Variants in PRKAG2 observed in about 807,000 individuals in gnomAD.
The protein encoded by PRKAG2 is 5'-AMP-activated protein kinase subunit gamma-2.
A neutral mutation model predicts 69.6 loss-of-function variants in PRKAG2; 26 were observed. The observed-to-expected ratio is 0.37, with a 90% CI of 0.27 to 0.52. The LOEUF is 0.52. PRKAG2 is among the 20% of genes least tolerant of loss of function. PRKAG2 has a pLI of 0.90. For synonymous variants in PRKAG2, 293 were observed against 285.0 expected (o/e 1.03, Z -0.28); for missense variants, 557 against 740.0 (o/e 0.75, Z 2.87).
Position 151,648,741 on chromosome 7 carries a change from C to T in PRKAG2, c.685-16603G>A, listed in dbSNP as rs376801042. 7.4e-4 allele frequency among the ~76,000 whole-genome samples: 112 copies of T among 152,188 alleles called. 1 individual carries two copies. In the Middle Eastern group the frequency reaches 0.024, roughly 32 times the overall value. ...CTTTAAAATGAAATGTAATAGAGGG[C>T]TGGGTGCAGTGGTCCATGTCTGTAG... On this transcript the variant is annotated intron_variant, in intron 4 of 15. Coordinates refer to ENST00000287878, the MANE Select transcript of PRKAG2 (RefSeq NM_016203.4).
intron 3 of PRKAG2, chr7:151,735,801 G>A: frequency 3.5e-6 from 5 of 1,435,586 alleles, no homozygotes; most frequent in South Asian, 2.5e-5. Flanking sequence ...GGAAGAGAGT[G>A]GCTGGAAACA....
intron 15 of PRKAG2, chr7:151,558,069 TAG>T (rs1804154355): frequency 1.0e-6 from 1 of 985,008 alleles, no homozygotes; most frequent in African/African-American, 1.7e-5. Flanking sequence ...GGCAATCTAT[TAG>T]AGCGTGTGGC....
intron 6 of PRKAG2, among the ~76,000 whole-genome samples, chr7:151,589,328 C>T (rs543284375): frequency 1.3e-5 from 2 of 152,294 alleles, no homozygotes; most frequent in African/African-American, 4.8e-5. Context: ...CGCCAGGACC[C>T]CCTCTCCTCC....
rs140373276 is a variant in PRKAG2 at position 151,694,456 on chromosome 7, C to G, written c.467-18819G>C. On this transcript the variant is annotated intron_variant, in intron 3 of 15. Coordinates refer to ENST00000287878, the MANE Select transcript of PRKAG2 (RefSeq NM_016203.4). ...GTCCTCATAAAAATAACTCATTTCT[C>G]CCCACCTGCAACCCCTGGCAACCAT... Among the ~76,000 whole-genome samples the G allele has an allele frequency of 9.3e-4, 142 of 152,258 alleles. 1 individual carries two copies. Among genetic ancestry groups the G allele is most frequent in the Middle Eastern group, 3.4e-3 (1 of 294 alleles).
intron 3 of PRKAG2, among the ~76,000 whole-genome samples, chr7:151,751,316 G>T (rs752535610): frequency 6.6e-6 from 1 of 151,392 alleles, no homozygotes; most frequent in Non-Finnish European, 1.5e-5. Context: ...GGGTTTCACC[G>T]TGTTAGCCAG....
intron 1 of PRKAG2, among the ~76,000 whole-genome samples, chr7:151,845,263 T>C (rs1236654960): frequency 1.3e-5 from 2 of 152,054 alleles, no homozygotes; most frequent in Admixed American, 6.5e-5. Context: ...GGTGAAGACG[T>C]TGTTAGTGGA....
chr7:151,839,379 C>A (rs536887904), intron 1 of PRKAG2, among the ~76,000 whole-genome samples: 1 of 152,314 alleles, frequency 6.6e-6, no homozygotes, highest in African/African-American at 2.4e-5. Flanking sequence ...CGGTCCGCAG[C>A]CCCTGCCGTC....
intron 3 of PRKAG2, among the ~76,000 whole-genome samples, chr7:151,766,961 G>C (rs190848781): frequency 2.6e-5 from 4 of 152,156 alleles, no homozygotes; most frequent in Admixed American, 2.0e-4. Flanking sequence ...ACCTCCAAAC[G>C]TGACCTCATG....
intron 1 of PRKAG2, among the ~76,000 whole-genome samples, chr7:151,818,841 A>G (rs1227593405): frequency 2.6e-5 from 4 of 152,188 alleles, no homozygotes; most frequent in Non-Finnish European, 5.9e-5. Flanking sequence ...TGGGATGTAG[A>G]CGGTGTGGCA....
At chr7:151,628,043 TGAG>T (rs1823438947) in intron 5 of PRKAG2, among the ~76,000 whole-genome samples, 1 of 151,752 alleles carries the variant, frequency 6.6e-6, no homozygotes, top group African/African-American at 2.4e-5. Context: ...AAGCGGCAAA[TGAG>T]GAGGAAGAGG....
At chr7:151,833,682 T>C (rs981668414) in intron 1 of PRKAG2, among the ~76,000 whole-genome samples, 2 of 152,110 alleles carry the variant, frequency 1.3e-5, no homozygotes, top group African/African-American at 2.4e-5. Context: ...GGGTGGGGGA[T>C]AGTTTGGAGA....
intron 4 of PRKAG2, among the ~76,000 whole-genome samples, chr7:151,658,771 A>T (rs1829883920): frequency 6.6e-6 from 1 of 152,196 alleles, no homozygotes; most frequent in African/African-American, 2.4e-5. Flanking sequence ...AACACATTAT[A>T]AGCGTTCTAT....
chr7:151,787,029 A>T (rs1330778716), intron 1 of PRKAG2, among the ~76,000 whole-genome samples: 1 of 152,168 alleles, frequency 6.6e-6, no homozygotes, highest in Non-Finnish European at 1.5e-5. Context: ...GCCAAAACAG[A>T]GTCTAAAATA....
intron 11 of PRKAG2, 60 bp from the exon 12 acceptor site, chr7:151,565,945 G>A: frequency 6.5e-7 from 1 of 1,543,442 alleles, no homozygotes; most frequent in Non-Finnish European, 9.0e-7. Flanking sequence ...CATGTTCAAA[G>A]GTCCAGATTT....
intron 8 of PRKAG2, among the ~76,000 whole-genome samples, 192 bp downstream of exon 8, chr7:151,574,699 A>G (rs771522625): frequency 6.6e-6 from 1 of 152,238 alleles, no homozygotes; most frequent in Non-Finnish European, 1.5e-5. Flanking sequence ...TCATACATAT[A>G]ACTTACAGTA....
chr7:151,676,027 G>A (rs577772639), intron 3 of PRKAG2, among the ~76,000 whole-genome samples: 11 of 152,096 alleles, frequency 7.2e-5, no homozygotes, highest in Non-Finnish European at 1.6e-4. Context: ...ACACGGTCCC[G>A]AGTTATCTGG....
intron 1 of PRKAG2, among the ~76,000 whole-genome samples, chr7:151,854,100 T>TGCAGTGCCAGCAG (rs1272307664): frequency 2.6e-5 from 4 of 152,220 alleles, no homozygotes; most frequent in African/African-American, 9.7e-5. Flanking sequence ...GCCCTTGCTC[T>TGCAGTGCCAGCAG]GCAGTGCCAG....
intron 7 of PRKAG2, among the ~76,000 whole-genome samples, chr7:151,575,893 C>T (rs1289181158): frequency 8.2e-6 from 1 of 121,710 alleles, no homozygotes; most frequent in Admixed American, 9.6e-5. Context: ...CTCAATGAGG[C>T]GGCAAAAAAA....
At chr7:151,735,835 C>A (rs1021249471) in intron 3 of PRKAG2, 2 of 1,529,952 alleles carry the variant, frequency 1.3e-6, no homozygotes. Context: ...AGGGTGTGCA[C>A]ACACGCCGTG....
Sources: allele counts gnomAD v4.1 joint callset (sites outside exome capture counted in the v4.1 genomes callset), GRCh38; gene constraint gnomAD v4.1.1; transcripts MANE v1.5; gene names NCBI Gene and HGNC (gene_info 2026-07-23, HGNC 2026-07-21).